PTPRK: variants seen among roughly 807,000 people sequenced by gnomAD.
The protein encoded by PTPRK is receptor-type tyrosine-protein phosphatase kappa.
A neutral mutation model predicts 178.0 loss-of-function variants in PTPRK; 75 were observed. The observed-to-expected ratio is 0.42, with a 90% CI of 0.35 to 0.51. The LOEUF (loss-of-function observed/expected upper bound fraction) is 0.51, where lower values mean the gene tolerates loss of function less well. Among genes scored for constraint, PTPRK ranks in the 20% least tolerant of loss-of-function variants. The pLI, the probability that PTPRK is intolerant of heterozygous loss-of-function variation, is 0.02. For missense variants in PTPRK, 1,441 were observed against 1,797.8 expected (o/e 0.80, Z 3.59); for synonymous variants, 637 against 620.6 (o/e 1.03, Z -0.39).
intron 7 of PTPRK, among the ~76,000 whole-genome samples, chr6:128,110,620 A>G (rs530930905): frequency 1.2e-3 from 174 of 143,600 alleles, no homozygotes; most frequent in South Asian, 5.4e-3. Flanking sequence ...AGATAGAAGT[A>G]AAAAAAAAAA....
At chr6:128,108,720 T>G (rs1790136586) in intron 7 of PTPRK, among the ~76,000 whole-genome samples, 1 of 152,154 alleles carries the variant, frequency 6.6e-6, no homozygotes, top group South Asian at 2.1e-4. Context: ...TAAACTATCA[T>G]AGTCTGGGTG....
intron 17 of PTPRK, 66 bp from the exon 18 acceptor site, chr6:127,995,604 G>A: frequency 1.0e-6 from 1 of 978,758 alleles, no homozygotes; most frequent in Non-Finnish European, 1.5e-6. Context: ...AATGTCATTG[G>A]TAGAGACTAA....
At chr6:128,364,385 T>G (rs891235166) in intron 2 of PTPRK, among the ~76,000 whole-genome samples, 8 of 152,102 alleles carry the variant, frequency 5.3e-5, no homozygotes, top group African/African-American at 1.9e-4. Flanking sequence ...TACCTAAACT[T>G]GCCAGTTAGT....
intron 13 of PTPRK, among the ~76,000 whole-genome samples, chr6:128,029,089 C>T (rs747175551): frequency 6.6e-6 from 1 of 152,106 alleles, no homozygotes; most frequent in Non-Finnish European, 1.5e-5. Context: ...GGAGATGGGA[C>T]TTGGTGGGAG....
At chr6:128,168,068 G>A (rs1295980704) in intron 7 of PTPRK, among the ~76,000 whole-genome samples, 1 of 152,026 alleles carries the variant, frequency 6.6e-6, no homozygotes, top group East Asian at 1.9e-4. Flanking sequence ...GTACTTAGAA[G>A]TTAAAATCTC....
intron 5 of PTPRK, among the ~76,000 whole-genome samples, chr6:128,228,118 TA>T (rs923078192): frequency 5.5e-4 from 70 of 127,754 alleles, no homozygotes; most frequent in African/African-American, 5.8e-4. Flanking sequence ...AAAGTCTAAT[TA>T]AAAAAAAAAA....
At chr6:128,298,283 C>T (rs1457524893) in intron 3 of PTPRK, among the ~76,000 whole-genome samples, 4 of 151,972 alleles carry the variant, frequency 2.6e-5, no homozygotes, top group African/African-American at 9.7e-5. Context: ...GATTCACAGC[C>T]GAATTCTACC....
chr6:127,975,911 C>T lies in PTPRK; in HGVS notation c.3969+746G>A, dbSNP rs368501147. 9.2e-5 allele frequency among the ~76,000 whole-genome samples: 14 copies of T among 152,228 alleles called. No homozygotes were observed. In the South Asian group the frequency reaches 2.9e-3, roughly 32 times the overall value. On this transcript the variant is annotated intron_variant, in intron 27 of 29. Coordinates refer to ENST00000368226, the MANE Select transcript of PTPRK (RefSeq NM_002844.4). ...GGTCTTGAACTCCTGACCTTATGATCTGCCCGCCTTGGCCTCCCAAAGTGC... is the reference window on the plus strand; with the variant it reads ...GGTCTTGAACTCCTGACCTTATGATTTGCCCGCCTTGGCCTCCCAAAGTGC...
At chr6:128,483,590 G>A (rs1022900161) in intron 1 of PTPRK, among the ~76,000 whole-genome samples, 3 of 152,036 alleles carry the variant, frequency 2.0e-5, no homozygotes, top group Non-Finnish European at 2.9e-5. Context: ...CCAAAACATA[G>A]TAATGGAACT....
intron 3 of PTPRK, among the ~76,000 whole-genome samples, chr6:128,287,638 T>C (rs566405508): frequency 1.6e-4 from 24 of 152,316 alleles, no homozygotes; most frequent in African/African-American, 5.8e-4. Flanking sequence ...TCATCAAAAC[T>C]AGACACCATT....
rs1358803415 is a variant in PTPRK, at chr6:128,068,085, G to T, written c.1884-293C>A. 1.3e-5 allele frequency among the ~76,000 whole-genome samples: 2 copies of T among 152,254 alleles called. 1 individual carries two copies. The highest frequency in any genetic ancestry group is 4.1e-4 in the South Asian group (2 of 4,820). ...TTGAGGAATGAGCCACCCTAATAAG[G>T]ATTCTGACATTAACCAAAGACACAT... is the stretch of plus-strand genomic sequence containing the variant. On this transcript the variant is annotated intron_variant, in intron 11 of 29. Transcript: ENST00000368226.
At chr6:128,491,460 T>C (rs1020865918) in intron 1 of PTPRK, among the ~76,000 whole-genome samples, 3 of 152,340 alleles carry the variant, frequency 2.0e-5, no homozygotes, top group Admixed American at 6.5e-5. Context: ...CTCAGGATTA[T>C]GTGCTGATAA....
At chr6:128,451,888 T>G (rs768660976) in intron 1 of PTPRK, among the ~76,000 whole-genome samples, 2 of 152,236 alleles carry the variant, frequency 1.3e-5, no homozygotes, top group Non-Finnish European at 2.9e-5. Context: ...CATTATAGCA[T>G]GGTTTTCAAT....
chr6:128,138,264 T>C (rs555944753), intron 7 of PTPRK, among the ~76,000 whole-genome samples: 2 of 152,258 alleles, frequency 1.3e-5, no homozygotes, highest in South Asian at 4.1e-4. Context: ...GAGATGGCTT[T>C]CTGGCCAGCC....
At position 127,970,055 on chromosome 6, in the gene PTPRK, C is replaced by A. The variant is rs561566603; in HGVS notation, c.*172G>T. On this transcript the variant is annotated 3_prime_UTR_variant, in exon 30 of 30. Coordinates refer to ENST00000368226, the MANE Select transcript of PTPRK (RefSeq NM_002844.4). Reference sequence around the variant, plus strand: ...TATAGTAATAAAAACTAATTCAGTCCTTTTTATTAAGATACACAACTTCAT... The same window carrying A: ...TATAGTAATAAAAACTAATTCAGTCATTTTTATTAAGATACACAACTTCAT... The A allele has an allele frequency of 3.6e-5, 18 of 495,294 alleles. No individual in the cohort carries two copies. The South Asian group carries it at 6.2e-4, about 17-fold the overall frequency. The allele number at this position is 495,294 out of a possible 1,614,324, so 30.7% of individuals were successfully genotyped here.
intron 13 of PTPRK, among the ~76,000 whole-genome samples, chr6:128,045,799 T>C (rs1777947796): frequency 6.6e-6 from 1 of 152,136 alleles, no homozygotes; most frequent in South Asian, 2.1e-4. Context: ...CATACCCTCA[T>C]GAACTTTACA....
At chr6:128,243,271 G>GA (rs35362044) in intron 3 of PTPRK, among the ~76,000 whole-genome samples, 1 of 150,274 alleles carries the variant, frequency 6.7e-6, no homozygotes, top group African/African-American at 2.4e-5. Context: ...AGAATGTTAA[G>GA]AAAAAAAAAG....
chr6:128,034,908 C>A (rs868089454), intron 13 of PTPRK, among the ~76,000 whole-genome samples: 1 of 152,014 alleles, frequency 6.6e-6, no homozygotes, highest in Admixed American at 6.6e-5. Flanking sequence ...AAATGTTTCA[C>A]AGCAATGTCA....
intron 1 of PTPRK, among the ~76,000 whole-genome samples, chr6:128,443,658 G>C (rs1846574358): frequency 6.6e-6 from 1 of 152,108 alleles, no homozygotes; most frequent in Admixed American, 6.6e-5. Flanking sequence ...GACAGAGAAG[G>C]AATTATGACT....
Sources: gnomAD v4.1 joint callset for allele counts (sites outside exome capture counted in the v4.1 genomes callset) on GRCh38, gnomAD v4.1.1 for gene constraint, MANE v1.5 for transcripts, NCBI Gene and HGNC (gene_info 2026-07-23, HGNC 2026-07-21) for gene names.